CHN2: variants seen among roughly 807,000 people sequenced by gnomAD.
CHN2 encodes the protein chimerin 2, also known as beta-chimaerin.
A neutral mutation model predicts 56.3 loss-of-function variants in CHN2; 35 were observed. The ratio of observed to expected loss-of-function variants is 0.62; its 90% CI spans 0.47 to 0.82. The LOEUF (loss-of-function observed/expected upper bound fraction) is 0.82, where lower values mean the gene tolerates loss of function less well. CHN2 is among the 40% of genes least tolerant of loss of function. The probability of loss-of-function intolerance (pLI) is 0.00; values close to 1 mark genes in which losing one functional copy is unlikely to be tolerated. For synonymous variants in CHN2, 210 were observed against 212.8 expected (o/e 0.99, Z 0.12); for missense variants, 491 against 580.5 (o/e 0.85, Z 1.58).
intron 6 of CHN2, among the ~76,000 whole-genome samples, chr7:29,433,025 T>C (rs937907133): frequency 1.3e-5 from 2 of 152,224 alleles, no homozygotes; most frequent in Admixed American, 6.5e-5. Context: ...TGCACGGATA[T>C]AGTTTTTCCA....
chr7:29,500,264 T>C (rs1789824177), intron 9 of CHN2, among the ~76,000 whole-genome samples: 1 of 152,138 alleles, frequency 6.6e-6, no homozygotes, highest in African/African-American at 2.4e-5. Flanking sequence ...ATTCAAAAAA[T>C]GTTTACTGAA....
At chr7:29,238,854 G>T (rs558469415) in intron 1 of CHN2, among the ~76,000 whole-genome samples, 3 of 152,328 alleles carry the variant, frequency 2.0e-5, no homozygotes, top group Admixed American at 1.3e-4. Context: ...AGTGTTCAAA[G>T]AACAGCAAGA....
intron 6 of CHN2, among the ~76,000 whole-genome samples, chr7:29,473,480 T>G (rs545058788): frequency 0.026 from 3,344 of 130,940 alleles, 90 homozygotes; most frequent in South Asian, 0.074. Context: ...GTTTTTTTTT[T>G]TTTGTGTGTG....
intron 6 of CHN2, among the ~76,000 whole-genome samples, chr7:29,427,166 A>G (rs984387798): frequency 1.3e-5 from 2 of 152,108 alleles, no homozygotes; most frequent in African/African-American, 2.4e-5. Flanking sequence ...AAAAATACAA[A>G]TATTAGTTGG....
chr7:29,489,436 A>T (rs964110661), intron 7 of CHN2, among the ~76,000 whole-genome samples: 1 of 152,236 alleles, frequency 6.6e-6, no homozygotes, highest in Non-Finnish European at 1.5e-5. Context: ...CCGACCAGTG[A>T]ATTTTAAGAT....
chr7:29,306,507 C>G (rs1794177278), intron 1 of CHN2, among the ~76,000 whole-genome samples: 1 of 152,066 alleles, frequency 6.6e-6, no homozygotes, highest in African/African-American at 2.4e-5. Flanking sequence ...GCTGATTGGT[C>G]AGAAGATGAG....
At chr7:29,508,283 G>A (rs570020525) in intron 11 of CHN2, among the ~76,000 whole-genome samples, 1 of 151,880 alleles carries the variant, frequency 6.6e-6, no homozygotes, top group African/African-American at 2.4e-5. Flanking sequence ...GGGCAGGTCT[G>A]GGGGAAGGGG....
At chr7:29,466,846 T>C (rs534414157) in intron 6 of CHN2, among the ~76,000 whole-genome samples, 275 of 152,140 alleles carry the variant, frequency 1.8e-3, no homozygotes, top group African/African-American at 6.2e-3. Context: ...GGAAAAAATA[T>C]TTTGTTTTTC....
At chr7:29,482,874 T>G (rs1342360099) in intron 7 of CHN2, among the ~76,000 whole-genome samples, 1 of 132,988 alleles carries the variant, frequency 7.5e-6, no homozygotes, top group Admixed American at 8.6e-5. Context: ...CAGGTTGGAG[T>G]GCAGTGGCGC....
chr7:29,390,737 T>C (rs1801298807), intron 3 of CHN2, among the ~76,000 whole-genome samples: 1 of 152,214 alleles, frequency 6.6e-6, no homozygotes, highest in African/African-American at 2.4e-5. Context: ...TTTCCACTGA[T>C]GGCCAACACG....
chr7:29,173,792 T>C, intron 2 of CHN2, among the ~76,000 whole-genome samples: 1 of 147,342 alleles, frequency 6.8e-6, no homozygotes, highest in East Asian at 2.0e-4. Flanking sequence ...AAAAAAAAAA[T>C]TAGTCGAGTG....
chr7:29,505,313 T>C (rs1271338685), intron 10 of CHN2, among the ~76,000 whole-genome samples: 2 of 152,230 alleles, frequency 1.3e-5, no homozygotes, highest in Middle Eastern at 3.2e-3. Flanking sequence ...TGAAGACTCA[T>C]TCAGAAAGCT....
At chr7:29,204,065 CTCTGTGTGTGTGTGTGTGTGTGTGTGTG>C (rs1784349604) in intron 1 of CHN2, among the ~76,000 whole-genome samples, 1 of 135,916 alleles carries the variant, frequency 7.4e-6, no homozygotes, top group Non-Finnish European at 1.6e-5. Flanking sequence ...TTTTCTCTCT[CTCTGTGTGTGTGTGTGTGTGTGTGTGTG>C]TGTGTGTGTG....
intron 1 of CHN2, among the ~76,000 whole-genome samples, chr7:29,228,514 C>T (rs980696578): frequency 2.6e-5 from 4 of 152,132 alleles, no homozygotes; most frequent in Non-Finnish European, 5.9e-5. Flanking sequence ...TCAGAACATA[C>T]CCTGTGAGTT....
At chr7:29,245,278 C>T (rs1213632616) in intron 1 of CHN2, among the ~76,000 whole-genome samples, 3 of 152,108 alleles carry the variant, frequency 2.0e-5, no homozygotes, top group Non-Finnish European at 2.9e-5. Flanking sequence ...ATCCAGTGTC[C>T]GTGGACTCTC....
chr7:29,215,398 T>C (rs1191624494), intron 1 of CHN2, among the ~76,000 whole-genome samples: 7 of 152,138 alleles, frequency 4.6e-5, no homozygotes, highest in Non-Finnish European at 8.8e-5. Flanking sequence ...TCTTTCGACT[T>C]CTGTAAATGT....
chr7:29,296,800 G>C (rs146733630), intron 1 of CHN2, among the ~76,000 whole-genome samples: 305 of 152,342 alleles, frequency 2.0e-3, no homozygotes, highest in Non-Finnish European at 3.4e-3. Flanking sequence ...ACAGCCAGAT[G>C]TTTAATGAAC....
At chr7:29,215,789 C>T (rs569800047) in intron 1 of CHN2, among the ~76,000 whole-genome samples, 3 of 151,832 alleles carry the variant, frequency 2.0e-5, no homozygotes, top group Non-Finnish European at 4.4e-5. Flanking sequence ...AGAAAATGTT[C>T]CAAGGACCAT....
intron 1 of CHN2, among the ~76,000 whole-genome samples, chr7:29,238,226 G>T (rs1185363845): frequency 6.6e-6 from 1 of 151,796 alleles, no homozygotes; most frequent in Non-Finnish European, 1.5e-5. Context: ...CACTGTGTTA[G>T]CCAGGAAGGT....
Sources: allele counts gnomAD v4.1 joint callset (sites outside exome capture counted in the v4.1 genomes callset), GRCh38; gene constraint gnomAD v4.1.1; transcripts MANE v1.5; gene names NCBI Gene and HGNC (gene_info 2026-07-23, HGNC 2026-07-21).